The following MOB3B variants were observed in gnomAD, a reference collection of about 807,000 sequenced individuals.
The protein encoded by MOB3B is MOB kinase activator-like 2B.
In MOB3B, 7 loss-of-function variants were observed where a neutral mutation model predicts 18.7. The ratio of observed to expected loss-of-function variants is 0.37; its 90% CI spans 0.21 to 0.70. The LOEUF (loss-of-function observed/expected upper bound fraction) is 0.70, where lower values mean the gene tolerates loss of function less well. Ranked by LOEUF, MOB3B falls within the 30% of genes least tolerant of loss-of-function variation. The pLI is 0.52. For synonymous variants in MOB3B, 111 were observed against 99.9 expected, an observed-to-expected ratio of 1.11 and a Z score of -0.66; for missense variants, 253 against 281.3, an observed-to-expected ratio of 0.90 and a Z score of 0.72.
rs1323479038 is a variant in MOB3B at position 27,414,332 on chromosome 9, CA to C, written c.418+40800del. ...GAGCAGAACCATCTGTCTAAAGCCA[CA>C]AGGCCTTGGTGGACACAAGCAGCTG... is the stretch of plus-strand genomic sequence containing the variant. On this transcript the variant is annotated intron_variant, in intron 2 of 3. Coordinates refer to ENST00000262244, the MANE Select transcript of MOB3B (RefSeq NM_024761.5). 7.2e-5 allele frequency among the ~76,000 whole-genome samples: 11 copies of C among 152,334 alleles called. No homozygotes were observed. The East Asian group carries it at 2.1e-3, about 29-fold the overall frequency.
intron 1 of MOB3B, among the ~76,000 whole-genome samples, chr9:27,523,197 C>A (rs1482822994): frequency 6.6e-6 from 1 of 151,832 alleles, no homozygotes; most frequent in East Asian, 1.9e-4. Context: ...AGAAAAGAAT[C>A]CATTTGCTTT....
chr9:27,345,506 G>T (rs1821020043), intron 3 of MOB3B, among the ~76,000 whole-genome samples: 1 of 152,152 alleles, frequency 6.6e-6, no homozygotes, highest in Non-Finnish European at 1.5e-5. Context: ...TTCTGATTTG[G>T]AAGCACTGGG....
chr9:27,356,915 TTATAAAACTCA>T (rs1821197707), intron 3 of MOB3B, among the ~76,000 whole-genome samples: 1 of 151,674 alleles, frequency 6.6e-6, no homozygotes, highest in African/African-American at 2.4e-5. Flanking sequence ...AAAACAGCCT[TTATAAAACTCA>T]GCCATCGATG....
chr9:27,354,267 T>C (rs1191749872), intron 3 of MOB3B, among the ~76,000 whole-genome samples: 4 of 152,200 alleles, frequency 2.6e-5, no homozygotes, highest in Non-Finnish European at 1.5e-5. Context: ...TGACCAACCG[T>C]CCTAGTTTGA....
intron 1 of MOB3B, among the ~76,000 whole-genome samples, 199 bp from the exon 2 acceptor site, chr9:27,455,947 T>C (rs940671894): frequency 1.3e-5 from 2 of 152,210 alleles, no homozygotes; most frequent in African/African-American, 4.8e-5. Context: ...AGAAAAGGCA[T>C]CACACTTGTT....
intron 2 of MOB3B, chr9:27,397,347 C>T (rs1821816467): frequency 6.6e-6 from 1 of 151,960 alleles, no homozygotes; most frequent in Non-Finnish European, 1.5e-5. Context: ...ATTAACAGCC[C>T]CTTTTAATAT....
At chr9:27,410,521 T>C (rs1223842932) in intron 2 of MOB3B, among the ~76,000 whole-genome samples, 1 of 152,128 alleles carries the variant, frequency 6.6e-6, no homozygotes, top group Non-Finnish European at 1.5e-5. Context: ...TCTTTCCTTG[T>C]AAGAGCTCAG....
chr9:27,392,999 A>C (rs996266924), intron 2 of MOB3B, among the ~76,000 whole-genome samples: 1 of 152,240 alleles, frequency 6.6e-6, no homozygotes. Flanking sequence ...TGAGATAAAA[A>C]GGAGGAAAAG....
At chr9:27,383,995 C>T (rs1221945301) in intron 2 of MOB3B, among the ~76,000 whole-genome samples, 1 of 152,168 alleles carries the variant, frequency 6.6e-6, no homozygotes, top group African/African-American at 2.4e-5. Context: ...TATAGATAAG[C>T]ATTATAAAGG....
chr9:27,460,640 G>A (rs1289769019), intron 1 of MOB3B, among the ~76,000 whole-genome samples: 1 of 152,182 alleles, frequency 6.6e-6, no homozygotes, highest in Non-Finnish European at 1.5e-5. Flanking sequence ...GAGAGGGACT[G>A]AAGCTGATAC....
intron 2 of MOB3B, among the ~76,000 whole-genome samples, chr9:27,439,101 G>T (rs888476307): frequency 1.4e-4 from 22 of 152,080 alleles, no homozygotes; most frequent in African/African-American, 5.3e-4. Flanking sequence ...TTTTCTACAC[G>T]CAAAGTCCCA....
At position 27,389,468 on chromosome 9, in the gene MOB3B, C is replaced by A. The variant is rs77168630; in HGVS notation, c.419-30232G>T. Among the ~76,000 whole-genome samples, 906 of 102,638 alleles carry A rather than the reference C, an allele frequency of 8.8e-3. 7 individuals are homozygous for A. Among genetic ancestry groups the A allele is most frequent in the African/African-American group, 0.039 (884 of 22,802 alleles). 67.3% of individuals were successfully genotyped at this position (102,638 alleles called of 152,430 possible). A position where few individuals can be genotyped will look rare whatever the true frequency, so the allele number is the denominator to read the frequency against. On this transcript the variant is annotated intron_variant, in intron 2 of 3. Coordinates refer to ENST00000262244, the MANE Select transcript of MOB3B (RefSeq NM_024761.5). ...TTCAGGTCCTGGCATGCGCTGTTCT[C>A]ACTGCTCGGACACTTTTCCCATCTC...
chr9:27,381,412 T>C (rs923674801), intron 2 of MOB3B, among the ~76,000 whole-genome samples: 2 of 152,000 alleles, frequency 1.3e-5, no homozygotes, highest in African/African-American at 4.8e-5. Context: ...GGGCTACAAG[T>C]CTGTCTCTGC....
intron 2 of MOB3B, among the ~76,000 whole-genome samples, chr9:27,386,432 A>G (rs1293379193): frequency 6.6e-6 from 1 of 152,240 alleles, no homozygotes; most frequent in East Asian, 1.9e-4. Context: ...AATGCTTGTC[A>G]AAATGAAAAC....
At chr9:27,515,126 C>T (rs995817803) in intron 1 of MOB3B, among the ~76,000 whole-genome samples, 3 of 152,222 alleles carry the variant, frequency 2.0e-5, no homozygotes, top group South Asian at 4.1e-4. Flanking sequence ...TCTACACTAT[C>T]GACATTGGAC....
At chr9:27,436,105 A>G (rs1587212118) in intron 2 of MOB3B, among the ~76,000 whole-genome samples, 1 of 151,988 alleles carries the variant, frequency 6.6e-6, no homozygotes, top group East Asian at 1.9e-4. Context: ...TATCCTTTCT[A>G]CCTTGCTGAG....
At chr9:27,516,942 T>C (rs1820244158) in intron 1 of MOB3B, among the ~76,000 whole-genome samples, 1 of 152,166 alleles carries the variant, frequency 6.6e-6, no homozygotes, top group African/African-American at 2.4e-5. Flanking sequence ...ATAACAGAAC[T>C]CACCAGTTGC....
At chr9:27,424,726 A>C (rs1038703267) in intron 2 of MOB3B, among the ~76,000 whole-genome samples, 5 of 152,204 alleles carry the variant, frequency 3.3e-5, no homozygotes, top group African/African-American at 1.2e-4. Flanking sequence ...CACCGAGCAA[A>C]GAATATACCA....
intron 2 of MOB3B, among the ~76,000 whole-genome samples, chr9:27,405,880 T>C (rs1310945372): frequency 6.6e-6 from 1 of 152,210 alleles, no homozygotes; most frequent in African/African-American, 2.4e-5. Flanking sequence ...TCAACATTGA[T>C]TCATGATAAA....
Sources: gnomAD v4.1 joint callset for allele counts (sites outside exome capture counted in the v4.1 genomes callset) on GRCh38, gnomAD v4.1.1 for gene constraint, MANE v1.5 for transcripts, NCBI Gene and HGNC (gene_info 2026-07-23, HGNC 2026-07-21) for gene names.